VWA3B: variants seen among roughly 807,000 people sequenced by gnomAD.
The protein encoded by VWA3B is von Willebrand factor A domain-containing protein 3B.
A neutral mutation model predicts 158.3 loss-of-function variants in VWA3B; 138 were observed. The ratio of observed to expected loss-of-function variants is 0.87; its 90% CI spans 0.76 to 1.00. The LOEUF (loss-of-function observed/expected upper bound fraction) is 1.00, where lower values mean the gene tolerates loss of function less well. Ranked by LOEUF, VWA3B falls within the 50% of genes least tolerant of loss-of-function variation. The pLI is 0.00. For missense variants in VWA3B, 1,555 were observed against 1,565.1 expected (o/e 0.99, Z 0.11); for synonymous variants, 596 against 587.3 (o/e 1.01, Z -0.21).
At chr2:98,211,390 A>G (rs1006787675) in intron 12 of VWA3B, among the ~76,000 whole-genome samples, 6 of 152,176 alleles carry the variant, frequency 3.9e-5, no homozygotes, top group African/African-American at 1.4e-4. Context: ...TCCTTTCTAT[A>G]TTGATGAAGT....
Position 98,312,248 on chromosome 2 carries a change from C to G in VWA3B, c.3784C>G (p.His1262Asp). 1 of 1,614,196 alleles carries G rather than the reference C, an allele frequency of 6.2e-7. No individual in the cohort carries two copies. The highest frequency in any genetic ancestry group is 2.2e-5 in the East Asian group (1 of 44,888). ...GGCCGGGCGTCTAGGACTCAGCAGC[C>G]ACGCCATCATTGCCACACCTCCACC... ...PAAGRLGLSSHAIIATPPPRA... is the reference protein window; with the variant it reads ...PAAGRLGLSSDAIIATPPPRA... The change falls in exon 28 of 28, where the codon CAC becomes GAC. Residue 1262 changes from histidine to aspartate, a missense_variant. Transcript: ENST00000477737.
intron 4 of VWA3B, 149 bp from the exon 5 acceptor site, chr2:98,121,150 A>G: frequency 8.4e-6 from 8 of 953,784 alleles, no homozygotes; most frequent in South Asian, 4.1e-5. Context: ...TTTGTTGGTA[A>G]CATCAGAGGG....
At chr2:98,268,255 C>T (rs2105877415) in intron 21 of VWA3B, among the ~76,000 whole-genome samples, 2 of 151,864 alleles carry the variant, frequency 1.3e-5, no homozygotes, top group Admixed American at 1.3e-4. Context: ...AATTTTAGAC[C>T]AATATCCTTG....
chr2:98,156,251 A>C (rs1187245196), intron 7 of VWA3B, among the ~76,000 whole-genome samples: 1 of 152,182 alleles, frequency 6.6e-6, no homozygotes, highest in Admixed American at 6.5e-5. Context: ...CTCCAAGTAG[A>C]TTGTCCTACT....
rs1170895940 is a variant in VWA3B, at chr2:98,192,916, T to C, written c.1485T>C (p.Asp495=). The change falls in exon 11 of 28, where the codon GAT becomes GAC. Residue 495 remains aspartate, a synonymous_variant. Coordinates refer to ENST00000477737, the MANE Select transcript of VWA3B (RefSeq NM_144992.5). ...RIRRRIKWLQ[D]GSQSLFGRLH... is the part of the protein sequence containing the mutation. Reference sequence around the variant, plus strand: ...TGCCTAGGATTAAATGGCTACAGGATGGGAGTCAAAGCCTCTTTGGAAGAT... The same window carrying C: ...TGCCTAGGATTAAATGGCTACAGGACGGGAGTCAAAGCCTCTTTGGAAGAT... The C allele has an allele frequency of 6.2e-7, 1 of 1,614,228 alleles. No homozygotes were observed. The highest frequency in any genetic ancestry group is 8.5e-7 in the Non-Finnish European group (1 of 1,180,046).
chr2:98,179,714 C>G (rs995648585), intron 8 of VWA3B, among the ~76,000 whole-genome samples: 3 of 149,230 alleles, frequency 2.0e-5, no homozygotes, highest in African/African-American at 7.4e-5. Flanking sequence ...TTTCTTTCTT[C>G]TTTCTTTTTC....
intron 8 of VWA3B, among the ~76,000 whole-genome samples, chr2:98,177,564 C>CT (rs748180130): frequency 0.011 from 1,628 of 147,340 alleles, 16 homozygotes; most frequent in Non-Finnish European, 0.017. Context: ...GATTTCCCTC[C>CT]TTTTTTTTTT....
intron 15 of VWA3B, 62 bp from the exon 16 acceptor site, chr2:98,229,988 C>G (rs1685216083): frequency 6.6e-7 from 1 of 1,504,928 alleles, no homozygotes; most frequent in South Asian, 1.4e-5. Flanking sequence ...ACTCTGCCTT[C>G]TTGATGGAAA....
chr2:98,325,711 G>A, the VWA3B span, among the ~76,000 whole-genome samples: 1 of 152,138 alleles, frequency 6.6e-6, no homozygotes, highest in Non-Finnish European at 1.5e-5. Flanking sequence ...GGCACAAATA[G>A]GAACACGTGG....
chr2:98,089,534 G>T (rs1434844873), intron 1 of VWA3B, among the ~76,000 whole-genome samples: 1 of 151,926 alleles, frequency 6.6e-6, no homozygotes, highest in Non-Finnish European at 1.5e-5. Flanking sequence ...GGAGAAGGGG[G>T]CTACGTCCCG....
At chr2:98,200,361 T>A (rs1299872170) in intron 12 of VWA3B, among the ~76,000 whole-genome samples, 1 of 152,032 alleles carries the variant, frequency 6.6e-6, no homozygotes, top group Non-Finnish European at 1.5e-5. Flanking sequence ...GCCAACATGG[T>A]GAAACCCCGT....
intron 5 of VWA3B, chr2:98,128,019 C>T (rs1009228538): frequency 2.0e-6 from 1 of 492,466 alleles, no homozygotes; most frequent in Admixed American, 3.2e-5. Flanking sequence ...CGTGCCTTAC[C>T]CAAGACAATA....
intron 17 of VWA3B, 141 bp from the exon 18 acceptor site, chr2:98,236,249 C>T: frequency 1.1e-6 from 1 of 947,932 alleles, no homozygotes; most frequent in South Asian, 1.6e-5. Flanking sequence ...CCCGCTCTGA[C>T]AAATCAGGAT....
intron 19 of VWA3B, among the ~76,000 whole-genome samples, chr2:98,244,782 A>T (rs963268151): frequency 2.6e-5 from 4 of 152,206 alleles, no homozygotes; most frequent in African/African-American, 9.7e-5. Flanking sequence ...ATAAGAAATT[A>T]TGTAGAGTAG....
chr2:98,232,609 A>G (rs558963348), intron 16 of VWA3B, among the ~76,000 whole-genome samples: 2 of 151,904 alleles, frequency 1.3e-5, no homozygotes, highest in Non-Finnish European at 2.9e-5. Context: ...TATCTTGGAC[A>G]TTTTGTCTAT....
intron 14 of VWA3B, 134 bp downstream of exon 14, chr2:98,218,162 A>C: frequency 1.0e-6 from 1 of 985,534 alleles, no homozygotes; most frequent in South Asian, 1.8e-5. Context: ...GTCGCTTAAC[A>C]ATGAGTGTAC....
intron 9 of VWA3B, among the ~76,000 whole-genome samples, chr2:98,181,823 A>C (rs2105354262): frequency 6.6e-6 from 1 of 152,330 alleles, no homozygotes; most frequent in African/African-American, 2.4e-5. Flanking sequence ...CATGCATATG[A>C]GTCAGTAGGT....
Position 98,312,418 on chromosome 2 carries a change from A to T in VWA3B, c.*69A>T. 6.5e-7 allele frequency: 1 copy of T among 1,527,510 alleles called. No homozygotes were observed. Among genetic ancestry groups the T allele is most frequent in the South Asian group, 1.3e-5 (1 of 77,766 alleles). 94.6% of individuals were successfully genotyped at this position (1,527,510 alleles called of 1,614,324 possible). On this transcript the variant is annotated 3_prime_UTR_variant, in exon 28 of 28. Coordinates refer to ENST00000477737, the MANE Select transcript of VWA3B (RefSeq NM_144992.5). ...AGGCTGTTCAGACCTCAGCGTTGAC[A>T]CTGAAACTGGCCCCTCCGCGGAGGT...
chr2:98,139,691 C>A (rs1217676869), intron 7 of VWA3B, among the ~76,000 whole-genome samples: 8 of 152,014 alleles, frequency 5.3e-5, no homozygotes, highest in African/African-American at 1.9e-4. Context: ...CTAGTGGGGA[C>A]GTGGAGAACC....
Sources: gnomAD v4.1 joint callset for allele counts (sites outside exome capture counted in the v4.1 genomes callset) on GRCh38, gnomAD v4.1.1 for gene constraint, MANE v1.5 for transcripts, NCBI Gene and HGNC (gene_info 2026-07-23, HGNC 2026-07-21) for gene names.